USP9X: variants seen among roughly 807,000 people sequenced by gnomAD.
USP9X encodes ubiquitin specific peptidase 9 X-linked, also known as ubiquitin carboxyl-terminal hydrolase 9X.
Under a neutral mutation model 190.3 loss-of-function variants are expected in USP9X, and 7 were observed. The observed-to-expected ratio is 0.04, with a 90% CI of 0.02 to 0.07. The LOEUF (loss-of-function observed/expected upper bound fraction) is 0.07. Among genes scored for constraint, USP9X ranks in the 10% least tolerant of loss-of-function variants. The pLI is 1.00. For missense variants in USP9X, 1,010 were observed against 1,916.9 expected (o/e 0.53, Z 8.83); for synonymous variants, 645 against 659.5 (o/e 0.98, Z 0.34).
intron 16 of USP9X, chrX:41,167,075 G>C (rs1355649572): frequency 7.2e-6 from 1 of 139,026 alleles, no homozygotes; most frequent in Non-Finnish European, 1.4e-5. Flanking sequence ...AATGTAATTA[G>C]ATGAGTGATA....
intron 11 of USP9X, among the ~76,000 whole-genome samples, chrX:41,146,506 A>G (rs1337390641): frequency 2.7e-5 from 3 of 111,492 alleles, no homozygotes; most frequent in African/African-American, 9.8e-5. Context: ...AGTAAGTTTC[A>G]TATCTTTGCC....
intron 17 of USP9X, among the ~76,000 whole-genome samples, 199 bp from the exon 18 acceptor site, chrX:41,167,806 TTA>T (rs1170867929): frequency 8.9e-6 from 1 of 112,355 alleles, no homozygotes; most frequent in East Asian, 2.8e-4. Flanking sequence ...TTTGACTAAT[TTA>T]TGTTTGTTAA....
At chrX:41,157,968 T>C (rs1001021445) in intron 14 of USP9X, among the ~76,000 whole-genome samples, 2 of 111,977 alleles carry the variant, frequency 1.8e-5, no homozygotes, top group Non-Finnish European at 3.8e-5. Flanking sequence ...TGTAGAGATT[T>C]TGTACTTGAA....
rs1050564662 is a variant in USP9X at position 41,085,821 on chromosome X, C to T, written c.-447C>T. 3.0e-5 allele frequency: 9 copies of T among 296,962 alleles called. No homozygotes were observed. The highest frequency in any genetic ancestry group is 2.2e-4 in the African/African-American group (8 of 36,568). The allele number at this position is 296,962 out of a possible 1,213,427, so 24.5% of individuals were successfully genotyped here. A position where few individuals can be genotyped will look rare whatever the true frequency, so the allele number is the denominator to read the frequency against. ...CCGCCCGGAGCCCGTCTGAGCTCAG[C>T]GAGAGCCCCAGCCTGAGGGGAGAAG... On this transcript the variant is annotated 5_prime_UTR_variant, in exon 1 of 45. Coordinates refer to ENST00000378308, the MANE Select transcript of USP9X (RefSeq NM_001039591.3).
At chrX:41,230,901 A>G (rs755414841) in intron 44 of USP9X, among the ~76,000 whole-genome samples, 4 of 111,656 alleles carry the variant, frequency 3.6e-5, no homozygotes, top group Non-Finnish European at 7.5e-5. Flanking sequence ...GATTGTGGTG[A>G]CATTTCCGGT....
chrX:41,141,948 A>G (rs2062426469), intron 9 of USP9X, among the ~76,000 whole-genome samples: 1 of 111,950 alleles, frequency 8.9e-6, no homozygotes, highest in African/African-American at 3.2e-5. Context: ...GCTATTTTGT[A>G]TTATATTGTT....
intron 1 of USP9X, among the ~76,000 whole-genome samples, chrX:41,096,614 A>G (rs781598698): frequency 1.8e-5 from 2 of 110,410 alleles, no homozygotes; most frequent in African/African-American, 6.6e-5. Context: ...GAATTTTTGT[A>G]TTTTTTGTAG....
At chrX:41,216,916 A>ACCTGTAGTCCCAGCTACTC (rs1018335286) in intron 35 of USP9X, among the ~76,000 whole-genome samples, 1 of 110,104 alleles carries the variant, frequency 9.1e-6, no homozygotes, top group Non-Finnish European at 1.9e-5. Context: ...GGTGGCATGC[A>ACCTGTAGTCCCAGCTACTC]CCTGTAGTCC....
intron 21 of USP9X, among the ~76,000 whole-genome samples, chrX:41,179,638 A>G (rs2062809057): frequency 8.9e-6 from 1 of 112,182 alleles, no homozygotes; most frequent in African/African-American, 3.2e-5. Flanking sequence ...GTACCAGTCC[A>G]GCTTCCTAGT....
chrX:41,210,817 A>G (rs1238171746), intron 33 of USP9X, 135 bp downstream of exon 33: 2 of 649,233 alleles, frequency 3.1e-6, no homozygotes, highest in East Asian at 3.7e-5. Flanking sequence ...AATGATTTAT[A>G]TACTTTGCAT....
rs2061902771 is a variant in USP9X at position 41,085,594 on chromosome X, C to G, written c.-674C>G. The G allele has an allele frequency of 7.3e-6, 2 of 273,477 alleles. No homozygotes were observed. The highest frequency in any genetic ancestry group is 1.3e-4 in the Admixed American group (2 of 15,440). 22.5% of individuals were successfully genotyped at this position (273,477 alleles called of 1,213,427 possible). A position where few individuals can be genotyped will look rare whatever the true frequency, so the allele number is the denominator to read the frequency against. On this transcript the variant is annotated 5_prime_UTR_variant, in exon 1 of 45. Coordinates refer to ENST00000378308, the MANE Select transcript of USP9X (RefSeq NM_001039591.3). ...CTCCCCGCCTTACACAGCTCCCGGGCCTCGCGGGAGCCCGCCGCCGCCGCC... is the reference window on the plus strand; with the variant it reads ...CTCCCCGCCTTACACAGCTCCCGGGGCTCGCGGGAGCCCGCCGCCGCCGCC...
Position 41,140,806 on chromosome X carries a change from C to T in USP9X, c.770+35C>T, listed in dbSNP as rs375140926. 33 of 1,115,515 alleles carry T rather than the reference C, an allele frequency of 3.0e-5. No individual in the cohort carries two copies. In the South Asian group the frequency reaches 3.5e-4, roughly 12 times the overall value. The allele number at this position is 1,115,515 out of a possible 1,213,427, so 91.9% of individuals were successfully genotyped here. A position where few individuals can be genotyped will look rare whatever the true frequency, so the allele number is the denominator to read the frequency against. ...ATTTAAAAATCAATGGTTAGTGCAC[C>T]GTAGAATTGCTGGTTTTTGCTTCAT... On this transcript the variant is annotated intron_variant, in intron 7 of 44. Transcript: ENST00000378308.
intron 21 of USP9X, among the ~76,000 whole-genome samples, chrX:41,179,148 G>A (rs765282985): frequency 8.9e-6 from 1 of 112,075 alleles, no homozygotes; most frequent in East Asian, 2.8e-4. Flanking sequence ...AGTAGCTGAT[G>A]CCTTCAGCTT....
At chrX:41,113,356 A>G (rs1331434779) in intron 1 of USP9X, among the ~76,000 whole-genome samples, 1 of 110,580 alleles carries the variant, frequency 9.0e-6, no homozygotes, top group African/African-American at 3.3e-5. Flanking sequence ...ACCTGCCACC[A>G]TGCCCGACTA....
chrX:41,117,647 G>T (rs1464580499), intron 1 of USP9X, among the ~76,000 whole-genome samples: 1 of 98,931 alleles, frequency 1.0e-5, no homozygotes, highest in Non-Finnish European at 2.0e-5. Context: ...GTGCGACCTC[G>T]GCTCACTGCA....
At chrX:41,176,606 C>T (rs906292506) in intron 21 of USP9X, among the ~76,000 whole-genome samples, 2 of 111,937 alleles carry the variant, frequency 1.8e-5, no homozygotes, top group Non-Finnish European at 1.9e-5. Flanking sequence ...GCCCTTGATG[C>T]AAGTATTCAC....
At chrX:41,154,474 A>G (rs2062558740) in intron 14 of USP9X, among the ~76,000 whole-genome samples, 1 of 111,404 alleles carries the variant, frequency 9.0e-6, no homozygotes, top group Non-Finnish European at 1.9e-5. Flanking sequence ...GCTAATTTTT[A>G]TTTACTTCAT....
intron 32 of USP9X, among the ~76,000 whole-genome samples, chrX:41,205,859 T>C (rs2063087692): frequency 1.9e-5 from 2 of 106,326 alleles, no homozygotes; most frequent in Non-Finnish European, 3.9e-5. Context: ...TTAACCTATT[T>C]TTTTTTTCTT....
chrX:41,094,159 G>T (rs1402262715), intron 1 of USP9X, among the ~76,000 whole-genome samples: 4 of 101,356 alleles, frequency 3.9e-5, no homozygotes, highest in Non-Finnish European at 8.0e-5. Context: ...ACCTACTGTA[G>T]TGACTACAGG....
Sources: gnomAD v4.1 joint callset for allele counts (sites outside exome capture counted in the v4.1 genomes callset) on GRCh38, gnomAD v4.1.1 for gene constraint, MANE v1.5 for transcripts, NCBI Gene and HGNC (gene_info 2026-07-23, HGNC 2026-07-21) for gene names.